ZNF691: variants seen among roughly 807,000 people sequenced by gnomAD.
ZNF691 encodes the protein zinc finger protein 691.
Under a neutral mutation model 24.1 loss-of-function variants are expected in ZNF691, and 11 were observed. The ratio of observed to expected loss-of-function variants is 0.46; its 90% CI spans 0.29 to 0.75. The LOEUF is 0.75. Ranked by LOEUF, ZNF691 falls within the 30% of genes least tolerant of loss-of-function variation. The pLI, the probability that ZNF691 is intolerant of heterozygous loss-of-function variation, is 0.11. For synonymous variants in ZNF691, 149 were observed against 153.9 expected, an observed-to-expected ratio of 0.97 and a Z score of 0.23; for missense variants, 356 against 409.0, an observed-to-expected ratio of 0.87 and a Z score of 1.12.
At chr1:42,850,035 A>G (rs1655337862) in intron 3 of ZNF691, among the ~76,000 whole-genome samples, 1 of 151,824 alleles carries the variant, frequency 6.6e-6, no homozygotes, top group South Asian at 2.1e-4. Flanking sequence ...TATATGTGGT[A>G]TGAGTGTGTA....
chr1:42,847,783 CACTT>C (rs1655279890), intron 1 of ZNF691, among the ~76,000 whole-genome samples: 1 of 152,216 alleles, frequency 6.6e-6, no homozygotes, highest in African/African-American at 2.4e-5. Flanking sequence ...CCAGTTCTGC[CACTT>C]ACTTGCTGTG....
In ZNF691 at chr1:42,852,369, C is replaced by A. The variant is rs144511334; in HGVS notation, c.*556C>A. Reference sequence around the variant, plus strand: ...AAATGAAAGGGAAACCCTCAGGGAGCCATGACCCAGGGACCTTCACACTCC... The same window carrying A: ...AAATGAAAGGGAAACCCTCAGGGAGACATGACCCAGGGACCTTCACACTCC... On this transcript the variant is annotated 3_prime_UTR_variant, in exon 4 of 4. Transcript: ENST00000651192. 4.6e-4 allele frequency: 96 copies of A among 206,504 alleles called. 1 individual carries two copies. The highest frequency in any genetic ancestry group is 2.3e-3 in the African/African-American group (96 of 42,382). The allele number at this position is 206,504 out of a possible 1,614,324, so 12.8% of individuals were successfully genotyped here.
Position 42,849,282 on chromosome 1 carries a change from T to C in ZNF691, c.-217-9T>C. 2.4e-6 allele frequency: 1 copy of C among 421,776 alleles called. No homozygotes were observed. Among genetic ancestry groups the C allele is most frequent in the Non-Finnish European group, 4.6e-6 (1 of 217,224 alleles). The allele number at this position is 421,776 out of a possible 1,614,324, so 26.1% of individuals were successfully genotyped here. A position where few individuals can be genotyped will look rare whatever the true frequency, so the allele number is the denominator to read the frequency against. On this transcript the variant is annotated splice_polypyrimidine_tract_variant and intron_variant, in intron 1 of 3. Coordinates refer to ENST00000651192, the MANE Select transcript of ZNF691 (RefSeq NM_001242739.2). ...CATTTAAAAGATCTTTTTCTTGTAT[T>C]CTTCACAGGGCCTGGACGTAGTGTC...
At chr1:42,850,536 A>T in intron 3 of ZNF691, 3 of 1,455,544 alleles carry the variant, frequency 2.1e-6, no homozygotes, top group Non-Finnish European at 2.7e-6. Context: ...AAGGTTTTTC[A>T]AAAAGGATTA....
chr1:42,851,148 C>T lies in ZNF691; in HGVS notation c.283C>T (p.Arg95Trp), dbSNP rs372439271. The change falls in exon 4 of 4, where the codon CGG becomes TGG. Residue 95 changes from arginine (R) to tryptophan (W), a missense_variant. Arg to Trp is a moderately radical substitution (Grantham distance 101). Transcript: ENST00000651192. This position sits in a 1 kb window ranked among gnomAD's most constrained non-coding sequence, Gnocchi z 4.7. ...AAAGCCATGGCAGAAAGTCACTGTC[C>T]GGGCTCGAGAGCTAGGGGACCCCAT... ...PKKPWQKVTV[R>W]ARELGDPIAH... 2.0e-5 allele frequency: 32 copies of T among 1,614,086 alleles called. No individual in the cohort carries two copies. The highest frequency in any genetic ancestry group is 3.3e-4 in the Middle Eastern group (2 of 6,084).
At chr1:42,850,548 A>C in intron 3 of ZNF691, 3 of 1,470,238 alleles carry the variant, frequency 2.0e-6, no homozygotes, top group Non-Finnish European at 2.7e-6. Flanking sequence ...AAAGGATTAA[A>C]CATAAAAAGA....
chr1:42,850,089 G>A (rs1482581950), intron 3 of ZNF691, among the ~76,000 whole-genome samples: 6 of 151,980 alleles, frequency 3.9e-5, no homozygotes, highest in Non-Finnish European at 5.9e-5. Flanking sequence ...GGCTGTGTGT[G>A]GTGTGTAGGT....
Position 42,851,883 on chromosome 1 carries a change from A to C in ZNF691, c.*70A>C, listed in dbSNP as rs747085891. On this transcript the variant is annotated 3_prime_UTR_variant, in exon 4 of 4. Transcript: ENST00000651192. The surrounding 1 kb of genome is among the most constrained non-coding windows in gnomAD (Gnocchi z 4.7). The stretch of plus-strand genomic sequence containing the variant: ...AACCTATTGGAGGAAGATCTTCAGC[A>C]TCTTTTGCTGCTACCTTGACCTCAA... 5.0e-5 allele frequency: 79 copies of C among 1,594,398 alleles called. 1 individual carries two copies. The highest frequency in any genetic ancestry group is 1.6e-4 in the Middle Eastern group (1 of 6,066).
chr1:42,849,690 A>C lies in ZNF691; in HGVS notation c.32A>C (p.Glu11Ala). 6.4e-7 allele frequency: 1 copy of C among 1,551,152 alleles called. No homozygotes were observed. Among genetic ancestry groups the C allele is most frequent in the Non-Finnish European group, 8.7e-7 (1 of 1,147,102 alleles). The stretch of plus-strand genomic sequence containing the variant: ...CTCTGTTCACCAACCCACTCTGCTG[A>C]AATGTCGTTATTTCTTCAAGGCCCG... MSLCSPTHSA[E>A]MSLFLQGPEE... The change falls in exon 3 of 4, where the codon GAA (glutamate) becomes GCA (alanine). Residue 11 changes from glutamate to alanine, a missense_variant. Physicochemically the swap from Glu to Ala is moderately radical, Grantham distance 107. Coordinates refer to ENST00000651192, the MANE Select transcript of ZNF691 (RefSeq NM_001242739.2).
intron 1 of ZNF691, among the ~76,000 whole-genome samples, chr1:42,848,519 G>A (rs1405639598): frequency 7.9e-5 from 12 of 152,180 alleles, no homozygotes; most frequent in Non-Finnish European, 1.6e-4. Context: ...TCAGGAGATT[G>A]CTGAGGAAAA....
Position 42,852,102 on chromosome 1 carries a change from C to T in ZNF691, c.*289C>T, listed in dbSNP as rs1655415193. On this transcript the variant is annotated 3_prime_UTR_variant, in exon 4 of 4. Transcript: ENST00000651192. ...AGAAATAGGGTAGGCTCAGAACATG[C>T]TCATGTTATTAAGGCAGCAGTCCCC... 2 of 525,054 alleles carry T rather than the reference C, an allele frequency of 3.8e-6. No individual in the cohort carries two copies. Among genetic ancestry groups the T allele is most frequent in the African/African-American group, 1.9e-5 (1 of 52,092 alleles). 32.5% of individuals were successfully genotyped at this position (525,054 alleles called of 1,614,324 possible).
rs1655418368 is a variant in ZNF691 at position 42,852,214 on chromosome 1, C to T, written c.*401C>T. On this transcript the variant is annotated 3_prime_UTR_variant, in exon 4 of 4. Transcript: ENST00000651192. ...TGTGAACTGCTTAGGTAGGAGTGCA[C>T]TGCAGTTTCCTGCTAGTTCCCACCT... 1 of 342,136 alleles carries T rather than the reference C, an allele frequency of 2.9e-6. No homozygotes were observed. Among genetic ancestry groups the T allele is most frequent in the South Asian group, 2.6e-5 (1 of 38,464 alleles). The allele number at this position is 342,136 out of a possible 1,614,324, so 21.2% of individuals were successfully genotyped here. A position where few individuals can be genotyped will look rare whatever the true frequency, so the allele number is the denominator to read the frequency against.
rs1023503869 is a variant in ZNF691, at chr1:42,851,998, C to A, written c.*185C>A. The A allele has an allele frequency of 2.1e-6, 2 of 958,234 alleles. No individual in the cohort carries two copies. Among genetic ancestry groups the A allele is most frequent in the Non-Finnish European group, 3.3e-6 (2 of 608,168 alleles). The allele number at this position is 958,234 out of a possible 1,614,324, so 59.4% of individuals were successfully genotyped here. A position where few individuals can be genotyped will look rare whatever the true frequency, so the allele number is the denominator to read the frequency against. Reference sequence around the variant, plus strand: ...TGAGGAGGGACTCTGGAATAAAAACCCTTGCCTCTTTCCAGGCCAATTTCT... The same window carrying A: ...TGAGGAGGGACTCTGGAATAAAAACACTTGCCTCTTTCCAGGCCAATTTCT... On this transcript the variant is annotated 3_prime_UTR_variant, in exon 4 of 4. Coordinates refer to ENST00000651192, the MANE Select transcript of ZNF691 (RefSeq NM_001242739.2). The surrounding 1 kb of genome is among the most constrained non-coding windows in gnomAD (Gnocchi z 4.7).
chr1:42,851,380 A>G lies in ZNF691; in HGVS notation c.515A>G (p.Lys172Arg), dbSNP rs754780738. Residue 172 changes from lysine to arginine, a missense_variant, in exon 4 of 4, where the codon AAA becomes AGA. Transcript: ENST00000651192. The surrounding 1 kb of genome is among the most constrained non-coding windows in gnomAD (Gnocchi z 4.7). The part of the protein sequence containing the change: ...ERIHLEEKHY[K>R]CPKCQESFRR... The stretch of plus-strand genomic sequence containing the variant: ...ATCCACCTGGAAGAGAAACACTACA[A>G]ATGCCCCAAGTGCCAGGAGAGCTTT... 9.3e-6 allele frequency: 15 copies of G among 1,613,978 alleles called. No homozygotes were observed. The highest frequency in any genetic ancestry group is 6.7e-5 in the East Asian group (3 of 44,882).
chr1:42,848,927 C>A (rs913732765), intron 1 of ZNF691, among the ~76,000 whole-genome samples: 8 of 152,140 alleles, frequency 5.3e-5, no homozygotes, highest in Non-Finnish European at 8.8e-5. Context: ...ATATTCTTAT[C>A]TAAATTCTTC....
At position 42,851,712 on chromosome 1, in the gene ZNF691, T is replaced by A; in HGVS notation, c.847T>A (p.Tyr283Asn). ...GCGGACCCACAGAGGGGAGAAGCCC[T>A]ACCGGTGCACTGTGTGTGGGAAACA... ...HQRTHRGEKP[Y>N]RCTVCGKHFS... The change falls in exon 4 of 4, where the codon TAC (tyrosine) becomes AAC (asparagine). Residue 283 changes from tyrosine (Y) to asparagine (N), a missense_variant. Physicochemically the swap from Tyr to Asn is moderately radical, Grantham distance 143. Coordinates refer to ENST00000651192, the MANE Select transcript of ZNF691 (RefSeq NM_001242739.2). This position sits in a 1 kb window ranked among gnomAD's most constrained non-coding sequence, Gnocchi z 4.7. The A allele has an allele frequency of 6.2e-7, 1 of 1,614,238 alleles. No homozygotes were observed. Among genetic ancestry groups the A allele is most frequent in the Non-Finnish European group, 8.5e-7 (1 of 1,180,044 alleles).
At chr1:42,849,238 A>C in intron 1 of ZNF691, 53 bp from the exon 2 acceptor site, 1 of 367,614 alleles carries the variant, frequency 2.7e-6, no homozygotes, top group South Asian at 2.1e-5. Context: ...TTAAGTTAAA[A>C]GTTTTTTCTT....
chr1:42,850,923 G>T, intron 3 of ZNF691, 27 bp from the exon 4 acceptor site: 1 of 1,537,354 alleles, frequency 6.5e-7, no homozygotes, highest in Non-Finnish European at 8.7e-7. Context: ...AAGAATAAAG[G>T]TGTTGGCCAT....
chr1:42,850,744 G>C lies in ZNF691; in HGVS notation c.85-206G>C, dbSNP rs1438063809. On this transcript the variant is annotated intron_variant, in intron 3 of 3. Coordinates refer to ENST00000651192, the MANE Select transcript of ZNF691 (RefSeq NM_001242739.2). The stretch of plus-strand genomic sequence containing the variant: ...AAGCCGGTGCCTTCTTTTTGCTCTG[G>C]TGGGTAGCTTTAAATATCTCTGAAA... The C allele has an allele frequency of 3.9e-6, 6 of 1,550,586 alleles. No individual in the cohort carries two copies. In the East Asian group the frequency reaches 1.2e-4, roughly 32 times the overall value.
Sources: allele counts gnomAD v4.1 joint callset (sites outside exome capture counted in the v4.1 genomes callset), GRCh38; gene constraint gnomAD v4.1.1; non-coding constraint Gnocchi (gnomAD v3.1); transcripts MANE v1.5; gene names NCBI Gene and HGNC (gene_info 2026-07-23, HGNC 2026-07-21).